Variants in MCTP1 observed in about 807,000 individuals in gnomAD.
MCTP1 encodes multiple C2 and transmembrane domain-containing protein 1.
In MCTP1, 69 loss-of-function variants were observed where a neutral mutation model predicts 120.6. The ratio of observed to expected loss-of-function variants is 0.57; its 90% CI spans 0.47 to 0.70. The LOEUF (loss-of-function observed/expected upper bound fraction) is 0.70. Among genes scored for constraint, MCTP1 ranks in the 30% least tolerant of loss-of-function variants. MCTP1 has a pLI of 0.00. For missense variants in MCTP1, 1,203 were observed against 1,248.8 expected (o/e 0.96, Z 0.55); for synonymous variants, 529 against 493.1 (o/e 1.07, Z -0.96).
Position 95,212,411 on chromosome 5 carries a change from C to T in MCTP1, c.720+71445G>A, listed in dbSNP as rs541692930. On this transcript the variant is annotated intron_variant, in intron 1 of 22. Coordinates refer to ENST00000515393, the MANE Select transcript of MCTP1 (RefSeq NM_024717.7). Reference sequence around the variant, plus strand: ...AAAAGAGTCCAGGACCAGATGGATTCACAGCCGAATTCTACCAGAGGTACA... The same window carrying T: ...AAAAGAGTCCAGGACCAGATGGATTTACAGCCGAATTCTACCAGAGGTACA... Among the ~76,000 whole-genome samples the T allele has an allele frequency of 2.2e-4, 33 of 152,092 alleles. 1 individual carries two copies. Among genetic ancestry groups the T allele is most frequent in the Admixed American group, 2.0e-3 (30 of 15,260 alleles).
intron 19 of MCTP1, among the ~76,000 whole-genome samples, chr5:94,722,355 T>C (rs543463578): frequency 7.2e-5 from 11 of 152,326 alleles, no homozygotes; most frequent in African/African-American, 2.6e-4. Context: ...AGCTTAGTCA[T>C]TAATACATTT....
rs116721673 is a variant in MCTP1 at position 94,952,343 on chromosome 5, C to T, written c.981+876G>A. 6.5e-3 allele frequency among the ~76,000 whole-genome samples: 994 copies of T among 152,208 alleles called. 12 individuals carry two copies. Among genetic ancestry groups the T allele is most frequent in the African/African-American group, 0.023 (950 of 41,492 alleles). Reference sequence around the variant, plus strand: ...CTCTTTTCAACCTTCTTATAAGCTACCCTCTTGTAATTTCAGTAACAACTT... The same window carrying T: ...CTCTTTTCAACCTTCTTATAAGCTATCCTCTTGTAATTTCAGTAACAACTT... On this transcript the variant is annotated intron_variant, in intron 3 of 22. Coordinates refer to ENST00000515393, the MANE Select transcript of MCTP1 (RefSeq NM_024717.7).
chr5:94,952,145 C>G (rs1820745708), intron 3 of MCTP1, among the ~76,000 whole-genome samples: 1 of 123,394 alleles, frequency 8.1e-6, no homozygotes, highest in Non-Finnish European at 1.6e-5. Flanking sequence ...GCACTCCAGC[C>G]TGGGTGACAG....
chr5:95,151,553 A>G (rs1275819495), intron 1 of MCTP1, among the ~76,000 whole-genome samples: 2 of 152,134 alleles, frequency 1.3e-5, no homozygotes, highest in Non-Finnish European at 2.9e-5. Flanking sequence ...ATTATGTGGT[A>G]GCTTCTGAAT....
intron 2 of MCTP1, among the ~76,000 whole-genome samples, chr5:94,954,113 A>C (rs293044): frequency 0.41 from 20,267 of 50,012 alleles, 4,953 homozygotes; most frequent in East Asian, 0.64. Flanking sequence ...CATATATATG[A>C]ATATATATAC....
intron 18 of MCTP1, among the ~76,000 whole-genome samples, chr5:94,796,662 ATATATATG>A (rs1466378243): frequency 1.0e-4 from 11 of 108,200 alleles, no homozygotes; most frequent in Admixed American, 8.2e-4. Context: ...TATATATTAT[ATATATATG>A]TATTCTGTAA....
rs7730621 is a variant in MCTP1, at chr5:95,165,658, C to T, written c.720+118198G>A. ...TTCTCCCTCAATCTGGGATATAACA[C>T]TGAGCCCTGAAGTCCGCTTGAAACT... On this transcript the variant is annotated intron_variant, in intron 1 of 22. Coordinates refer to ENST00000515393, the MANE Select transcript of MCTP1 (RefSeq NM_024717.7). Among the ~76,000 whole-genome samples, 772 of 152,322 alleles carry T rather than the reference C, an allele frequency of 5.1e-3. 9 individuals are homozygous for T. Among genetic ancestry groups the T allele is most frequent in the African/African-American group, 0.017 (698 of 41,572 alleles).
chr5:95,169,931 CT>C (rs1747002974), intron 1 of MCTP1, among the ~76,000 whole-genome samples: 1 of 151,604 alleles, frequency 6.6e-6, no homozygotes, highest in African/African-American at 2.4e-5. Flanking sequence ...TCTTGCACAA[CT>C]TTTCTTGCAC....
intron 14 of MCTP1, 35 bp from the exon 15 acceptor site, chr5:94,871,008 C>G (rs375910493): frequency 6.5e-7 from 1 of 1,541,614 alleles, no homozygotes; most frequent in Admixed American, 1.7e-5. Flanking sequence ...GTCTGTCTCG[C>G]GGTCTCTACT....
intron 19 of MCTP1, among the ~76,000 whole-genome samples, chr5:94,741,291 A>C (rs754723495): frequency 3.0e-4 from 45 of 152,230 alleles, no homozygotes; most frequent in Non-Finnish European, 5.0e-4. Flanking sequence ...CAAGTTAAAA[A>C]AAGGAAATGA....
intron 8 of MCTP1, 113 bp from the exon 9 acceptor site, chr5:94,913,089 A>C (rs963229494): frequency 3.7e-6 from 2 of 547,290 alleles, no homozygotes; most frequent in Non-Finnish European, 6.0e-6. Context: ...ATCGGCAATT[A>C]TAATTTTTTT....
chr5:95,019,797 G>A (rs947785015), intron 1 of MCTP1, among the ~76,000 whole-genome samples: 1 of 151,972 alleles, frequency 6.6e-6, no homozygotes, highest in Admixed American at 6.6e-5. Flanking sequence ...CTTGAAACCA[G>A]TGTAAAGGAC....
At chr5:94,884,047 A>G (rs765197108) in intron 12 of MCTP1, among the ~76,000 whole-genome samples, 3 of 152,198 alleles carry the variant, frequency 2.0e-5, no homozygotes, top group Non-Finnish European at 4.4e-5. Context: ...AGAATAATAA[A>G]TCCAAATCTT....
chr5:94,853,698 C>A (rs1469596955), intron 17 of MCTP1, among the ~76,000 whole-genome samples: 1 of 151,922 alleles, frequency 6.6e-6, no homozygotes, highest in African/African-American at 2.4e-5. Flanking sequence ...CTGGTGTTAT[C>A]TGAGGGCTAC....
In MCTP1 at chr5:94,954,175, TATATATGC is replaced by T. The variant is rs1239448102; in HGVS notation, c.839-822_839-815del. Among the ~76,000 whole-genome samples, 5 of 89,618 alleles carry T rather than the reference TATATATGC, an allele frequency of 5.6e-5. 2 individuals carry two copies. Among genetic ancestry groups the T allele is most frequent in the African/African-American group, 1.5e-4 (3 of 19,804 alleles). 58.8% of individuals were successfully genotyped at this position (89,618 alleles called of 152,430 possible). On this transcript the variant is annotated intron_variant, in intron 2 of 22. Coordinates refer to ENST00000515393, the MANE Select transcript of MCTP1 (RefSeq NM_024717.7). ...ATATATATGCATATATATACATATA[TATATATGC>T]ATATATATATATATATATATATGCC...
At chr5:95,202,952 C>T (rs1582517431) in intron 1 of MCTP1, among the ~76,000 whole-genome samples, 3 of 152,162 alleles carry the variant, frequency 2.0e-5, no homozygotes, top group Admixed American at 2.0e-4. Flanking sequence ...TGGTCTTGAA[C>T]TCCTGACCTC....
At chr5:95,240,919 C>G (rs1279071067) in intron 1 of MCTP1, among the ~76,000 whole-genome samples, 1 of 152,036 alleles carries the variant, frequency 6.6e-6, no homozygotes, top group East Asian at 1.9e-4. Context: ...CCCTCTCTCT[C>G]TCCACCCACC....
At chr5:94,962,521 T>C (rs1032146455) in intron 2 of MCTP1, among the ~76,000 whole-genome samples, 38 of 151,314 alleles carry the variant, frequency 2.5e-4, no homozygotes, top group African/African-American at 9.2e-4. Flanking sequence ...TATATACATG[T>C]GATGGAATAG....
chr5:95,178,756 A>G (rs1452171506), intron 1 of MCTP1, among the ~76,000 whole-genome samples: 1 of 152,216 alleles, frequency 6.6e-6, no homozygotes, highest in Non-Finnish European at 1.5e-5. Context: ...TGGTATTACG[A>G]TAAAACAAGT....
Sources: gnomAD v4.1 joint callset for allele counts (sites outside exome capture counted in the v4.1 genomes callset) on GRCh38, gnomAD v4.1.1 for gene constraint, MANE v1.5 for transcripts, NCBI Gene and HGNC (gene_info 2026-07-23, HGNC 2026-07-21) for gene names.